VWF: variants seen among roughly 807,000 people sequenced by gnomAD.
VWF encodes the protein von Willebrand factor.
A neutral mutation model predicts 308.6 loss-of-function variants in VWF; 176 were observed. That is an observed-to-expected ratio of 0.57 (90% CI 0.50 to 0.65). The LOEUF (loss-of-function observed/expected upper bound fraction) is 0.65, where lower values mean the gene tolerates loss of function less well. Ranked by LOEUF, VWF falls within the 30% of genes least tolerant of loss-of-function variation. VWF has a pLI of 0.00. For synonymous variants in VWF, 1,385 were observed against 1,443.4 expected, an observed-to-expected ratio of 0.96 and a Z score of 0.92; for missense variants, 3,146 against 3,648.2, an observed-to-expected ratio of 0.86 and a Z score of 3.55.
intron 34 of VWF, among the ~76,000 whole-genome samples, chr12:6,001,784 C>T (rs754314177): frequency 1.1e-4 from 16 of 152,220 alleles, no homozygotes; most frequent in Admixed American, 1.3e-4. Context: ...GGATCTCATA[C>T]TCTACACCCT....
At position 5,991,964 on chromosome 12, in the gene VWF, C is replaced by T. The variant is rs766725540; in HGVS notation, c.6653G>A (p.Arg2218Gln). ...GGAGCTCACGTTGCCATCACAGTGC[C>T]GGGGACAGCCATGCTCACAGTGGTT... ...VYNHCEHGCP[R>Q]HCDGNVSSCG... Residue 2218 changes from arginine to glutamine, a missense_variant, in exon 38 of 52, where the codon CGG becomes CAG. Arg to Gln is a conservative substitution (Grantham distance 43). This residue lies in a region of VWF where 989 missense variants were observed against 1,117.4 expected (regional missense o/e 0.89). Coordinates refer to ENST00000261405, the MANE Select transcript of VWF (RefSeq NM_000552.5). 12 of 1,614,008 alleles carry T rather than the reference C, an allele frequency of 7.4e-6. No homozygotes were observed. Among genetic ancestry groups the T allele is most frequent in the African/African-American group, 5.3e-5 (4 of 74,900 alleles).
intron 19 of VWF, among the ~76,000 whole-genome samples, chr12:6,036,058 T>G (rs192432583): frequency 1.3e-5 from 2 of 152,358 alleles, no homozygotes; most frequent in Admixed American, 1.3e-4. Flanking sequence ...TGTTTAGATT[T>G]AGGTCCCATC....
intron 47 of VWF, among the ~76,000 whole-genome samples, chr12:5,960,617 T>C (rs1263531552): frequency 1.3e-5 from 2 of 152,218 alleles, no homozygotes; most frequent in East Asian, 3.8e-4. Flanking sequence ...TAGCACTGGA[T>C]GTGAAACAGG....
chr12:6,118,385 T>A (rs1326660405), intron 3 of VWF, among the ~76,000 whole-genome samples: 18 of 117,776 alleles, frequency 1.5e-4, no homozygotes, highest in Admixed American at 1.4e-3. Context: ...ACTTTTTTTT[T>A]TTTTTTTTTT....
At chr12:6,093,748 C>T (rs1317919378) in intron 6 of VWF, among the ~76,000 whole-genome samples, 1 of 152,242 alleles carries the variant, frequency 6.6e-6, no homozygotes. Flanking sequence ...TCTTGCCCCA[C>T]ATAAAGCATT....
At chr12:6,048,700 T>G in intron 16 of VWF, among the ~76,000 whole-genome samples, 1 of 152,000 alleles carries the variant, frequency 6.6e-6, no homozygotes, top group Non-Finnish European at 1.5e-5. Context: ...TGACCTCAAG[T>G]GATCCGCCCA....
intron 39 of VWF, 90 bp from the exon 40 acceptor site, chr12:5,985,209 A>C: frequency 7.4e-7 from 1 of 1,350,656 alleles, no homozygotes; most frequent in Admixed American, 1.7e-5. Context: ...ACTGAAAACT[A>C]GTAGGAGTTC....
At chr12:6,095,893 A>G (rs1183496968) in intron 5 of VWF, 24 of 384,092 alleles carry the variant, frequency 6.2e-5, no homozygotes, top group Non-Finnish European at 5.0e-6. Context: ...TGCAGCCCAG[A>G]ACACCTGGGC....
In VWF at chr12:6,112,979, G is replaced by A. The variant is rs556112467; in HGVS notation, c.221-2011C>T. Among the ~76,000 whole-genome samples, 7 of 152,236 alleles carry A rather than the reference G, an allele frequency of 4.6e-5. 1 individual carries two copies. Among genetic ancestry groups the A allele is most frequent in the African/African-American group, 1.7e-4 (7 of 41,536 alleles). ...GGAAATTCAGTGAGGGCTCTCCCAC[G>A]TAAATAATAAGTCTATTCTAGGAAT... On this transcript the variant is annotated intron_variant, in intron 3 of 51. Transcript: ENST00000261405.
At chr12:6,013,821 CA>C (rs1293320477) in intron 31 of VWF, among the ~76,000 whole-genome samples, 176 bp from the exon 32 acceptor site, 9 of 152,272 alleles carry the variant, frequency 5.9e-5, no homozygotes, top group African/African-American at 1.9e-4. Context: ...TACTCTGTGT[CA>C]GGTACTATTG....
At chr12:6,038,036 T>C (rs1273099342) in intron 18 of VWF, among the ~76,000 whole-genome samples, 1 of 152,118 alleles carries the variant, frequency 6.6e-6, no homozygotes, top group Non-Finnish European at 1.5e-5. Flanking sequence ...GGGCATAAGA[T>C]GCAGGTTGAC....
intron 34 of VWF, among the ~76,000 whole-genome samples, chr12:6,004,459 G>A (rs965818497): frequency 1.3e-5 from 2 of 151,886 alleles, no homozygotes; most frequent in East Asian, 1.9e-4. Flanking sequence ...GTGTGTGCAC[G>A]TGTGTGTGTG....
chr12:6,103,447 C>T (rs1289143452), intron 5 of VWF, among the ~76,000 whole-genome samples: 1 of 105,990 alleles, frequency 9.4e-6, no homozygotes, highest in African/African-American at 4.4e-5. Context: ...TATATACATA[C>T]ACATATATGT....
chr12:5,976,279 G>A lies in VWF; in HGVS notation c.7288-19C>T, dbSNP rs3819540. 142,696 of 1,613,750 alleles carry A rather than the reference G, an allele frequency of 0.088. 7,065 individuals carry two copies. Among genetic ancestry groups the A allele is most frequent in the East Asian group, 0.23 (10,123 of 44,854 alleles). ...CACACACCTGTAGACATAAGTTTTC[G>A]TGAGTGAACTCATTTGTTTCATTGA... On this transcript the variant is annotated intron_variant, in intron 42 of 51. Transcript: ENST00000261405.
intron 51 of VWF, 117 bp from the exon 52 acceptor site, chr12:5,949,320 T>G (rs1487456292): frequency 1.9e-6 from 2 of 1,074,824 alleles, no homozygotes; most frequent in Non-Finnish European, 2.8e-6. Context: ...AGGTCTGATC[T>G]CACCCAGAAG....
intron 3 of VWF, among the ~76,000 whole-genome samples, chr12:6,113,139 G>A (rs935382119): frequency 6.6e-6 from 1 of 152,126 alleles, no homozygotes. Flanking sequence ...AATGAAAGGG[G>A]ACTTGTCCTG....
chr12:6,008,360 C>T (rs1943953252), intron 34 of VWF, among the ~76,000 whole-genome samples: 1 of 152,088 alleles, frequency 6.6e-6, no homozygotes, highest in South Asian at 2.1e-4. Flanking sequence ...AGGAGAATGG[C>T]TCAACGTCTA....
At chr12:6,083,449 C>T in intron 6 of VWF, among the ~76,000 whole-genome samples, 1 of 152,218 alleles carries the variant, frequency 6.6e-6, no homozygotes, top group East Asian at 1.9e-4. Context: ...CCTGTAGTCT[C>T]AGCTACTAGA....
chr12:6,083,646 G>A (rs1370046311), intron 6 of VWF, among the ~76,000 whole-genome samples: 2 of 152,224 alleles, frequency 1.3e-5, no homozygotes, highest in Non-Finnish European at 1.5e-5. Flanking sequence ...AAAAGTGGAA[G>A]AGGTTGAAAG....
Sources: allele counts gnomAD v4.1 joint callset (sites outside exome capture counted in the v4.1 genomes callset), GRCh38; gene constraint gnomAD v4.1.1; regional missense constraint gnomAD v4.1.1; transcripts MANE v1.5; gene names NCBI Gene and HGNC (gene_info 2026-07-23, HGNC 2026-07-21).